TTN: variants seen among roughly 807,000 people sequenced by gnomAD.
The protein encoded by TTN is connectin.
In TTN, 1,525 loss-of-function variants were observed where a neutral mutation model predicts 3,223.0. The observed-to-expected ratio is 0.47, with a 90% CI of 0.45 to 0.49. TTN has a LOEUF of 0.49. TTN is among the 20% of genes least tolerant of loss of function. The pLI is 0.00. For missense variants in TTN, 40,786 were observed against 43,424.0 expected (o/e 0.94, Z 5.40); for synonymous variants, 14,094 against 15,161.0 (o/e 0.93, Z 5.17).
chr2:178,653,363 C>T, intron 197 of TTN, 42 bp from the exon 198 acceptor site: 1 of 1,609,476 alleles, frequency 6.2e-7, no homozygotes, highest in Non-Finnish European at 8.5e-7. Flanking sequence ...GCTATGGAGA[C>T]TACTAGCAAA....
In TTN at chr2:178,714,539, T is replaced by C. The variant is rs2077168515; in HGVS notation, c.26235A>G (p.Ile8745Met). ...GAACTTCTTTACCAACGACAGTAGA[T>C]ATGTCACTGAGCTTCTTCACAAATC... is the stretch of plus-strand genomic sequence containing the variant. ...PPRFVKKLSD[I>M]STVVGKEVQL... is the part of the protein sequence containing the mutation. The change falls in exon 91 of 363, where the codon ATA becomes ATG. Residue 8745 changes from isoleucine (I) to methionine (M), a missense_variant. Coordinates refer to ENST00000589042, the MANE Select transcript of TTN (RefSeq NM_001267550.2). The C allele has an allele frequency of 6.2e-7, 1 of 1,611,658 alleles. No homozygotes were observed. Among genetic ancestry groups the C allele is most frequent in the African/African-American group, 1.3e-5 (1 of 74,870 alleles).
Position 178,614,354 on chromosome 2 carries a change from T to A in TTN, c.49049-6A>T, listed in dbSNP as rs1012199109. 6.9e-6 allele frequency: 11 copies of A among 1,602,686 alleles called. No individual in the cohort carries two copies. In the African/African-American group the frequency reaches 1.4e-4, roughly 20 times the overall value. Reference sequence around the variant, plus strand: ...AGCTGGTGGTCCGGGTTTATCTGTGTATGGCATTACAGATGCAGAAAAAAA... The same window carrying A: ...AGCTGGTGGTCCGGGTTTATCTGTGAATGGCATTACAGATGCAGAAAAAAA... On this transcript the variant is annotated splice_polypyrimidine_tract_variant and splice_region_variant and intron_variant, in intron 261 of 362. Coordinates refer to ENST00000589042, the MANE Select transcript of TTN (RefSeq NM_001267550.2).
intron 41 of TTN, among the ~76,000 whole-genome samples, chr2:178,765,805 G>A (rs1409336721): frequency 6.6e-6 from 1 of 152,188 alleles, no homozygotes; most frequent in East Asian, 1.9e-4. Flanking sequence ...AGGTTTAACA[G>A]CACTTCCCTG....
chr2:178,562,395 A>G lies in TTN; in HGVS notation c.83737T>C (p.Cys27913Arg). 1 of 1,611,720 alleles carries G rather than the reference A, an allele frequency of 6.2e-7. No individual in the cohort carries two copies. The highest frequency in any genetic ancestry group is 1.7e-5 in the Admixed American group (1 of 59,752). ...QTKGSEKWST[C>R]TQVKTLEATI... ...GCTTCTAGAGTCTTAACTTGTGTGCAGGTGCTCCACTTTTCACTCCCTTTA... is the reference window on the plus strand; with the variant it reads ...GCTTCTAGAGTCTTAACTTGTGTGCGGGTGCTCCACTTTTCACTCCCTTTA... The change falls in exon 326 of 363, where the codon TGC becomes CGC. Residue 27913 changes from cysteine to arginine, a missense_variant. Cys to Arg is a radical substitution (Grantham distance 180). Coordinates refer to ENST00000589042, the MANE Select transcript of TTN (RefSeq NM_001267550.2).
rs1064796987 is a variant in TTN at position 178,619,620 on chromosome 2, C to T, written c.46696+1G>A. 6.2e-7 allele frequency: 1 copy of T among 1,611,246 alleles called. No individual in the cohort carries two copies. Among genetic ancestry groups the T allele is most frequent in the Non-Finnish European group, 8.5e-7 (1 of 1,178,548 alleles). On this transcript the variant is annotated splice_donor_variant, in intron 250 of 362. Coordinates refer to ENST00000589042, the MANE Select transcript of TTN (RefSeq NM_001267550.2). LOFTEE classifies it high-confidence loss of function. ...GGATATTTTAAAATAAAGGGACTGA[C>T]CTGCCAGTTCAAGCTTAGCTCTGGC...
Position 178,591,877 on chromosome 2 carries a change from G to A in TTN, c.59942C>T (p.Pro19981Leu). 6.2e-7 allele frequency: 1 copy of A among 1,610,926 alleles called. No homozygotes were observed. Among genetic ancestry groups the A allele is most frequent in the Middle Eastern group, 1.7e-4 (1 of 6,038 alleles). The change falls in exon 303 of 363, where the codon CCC becomes CTC. Residue 19981 changes from proline to leucine, a missense_variant. Pro to Leu is a moderately conservative substitution (Grantham distance 98). Coordinates refer to ENST00000589042, the MANE Select transcript of TTN (RefSeq NM_001267550.2). ...ALDPLHPPGP[P>L]KDLHHVDVDK... ...AACATCTACATGGTGCAGGTCCTTG[G>A]GTGGCCCTGGGGGATCTTTTCAAAG... is the stretch of plus-strand genomic sequence containing the variant.
In TTN at chr2:178,793,854, C is replaced by T. The variant is rs767052735; in HGVS notation, c.1399-313G>A. ...TCAGGATTTAGACATAAATGTCACA[C>T]AAGAGGATAAGGAGGAAAGCTGGAA... On this transcript the variant is annotated intron_variant, in intron 8 of 362. Coordinates refer to ENST00000589042, the MANE Select transcript of TTN (RefSeq NM_001267550.2). Among the ~76,000 whole-genome samples, 47 of 152,212 alleles carry T rather than the reference C, an allele frequency of 3.1e-4. 1 individual carries two copies. Among genetic ancestry groups the T allele is most frequent in the South Asian group, 1.9e-3 (9 of 4,818 alleles).
At chr2:178,802,010 C>A (rs2094089323) in intron 3 of TTN, 128 bp downstream of exon 3, 8 of 1,156,774 alleles carry the variant, frequency 6.9e-6, no homozygotes, top group Non-Finnish European at 7.7e-6. Flanking sequence ...AATTCAGCCT[C>A]CAGTAGACCC....
chr2:178,699,601 C>T lies in TTN; in HGVS notation c.30683-687G>A, dbSNP rs574797270. 1.2e-3 allele frequency among the ~76,000 whole-genome samples: 173 copies of T among 144,408 alleles called. 1 individual carries two copies. The highest frequency in any genetic ancestry group is 9.3e-3 in the South Asian group (41 of 4,418). The allele number at this position is 144,408 out of a possible 152,430, so 94.7% of individuals were successfully genotyped here. A position where few individuals can be genotyped will look rare whatever the true frequency, so the allele number is the denominator to read the frequency against. On this transcript the variant is annotated intron_variant, in intron 111 of 362. Transcript: ENST00000589042. ...TAATTTTTTGTATTTTTAGTAGAGA[C>T]GGGGTTTCACCGTGTTAGCCAAGAT...
chr2:178,646,551 T>C lies in TTN; in HGVS notation c.40231A>G (p.Ile13411Val), dbSNP rs2062032299. 6.5e-7 allele frequency: 1 copy of C among 1,543,610 alleles called. No homozygotes were observed. Among genetic ancestry groups the C allele is most frequent in the African/African-American group, 1.4e-5 (1 of 72,824 alleles). ...TCTTCAGGTTTAATATACTTTTCAA[T>C]TTCACGTTCTTTAAAGAATGTTGAC... The part of the protein sequence containing the change: ...KETPPVEERE[I>V]EKYIKPEEPE... The change falls in exon 216 of 363, where the codon ATT becomes GTT. Residue 13411 changes from isoleucine (I) to valine (V), a missense_variant. Physicochemically the swap from Ile to Val is conservative, Grantham distance 29. Transcript: ENST00000589042.
rs1687465738 is a variant in TTN, at chr2:178,528,383, T to C, written c.107268A>G (p.Val35756=). ...SNVSISRSRN[V]YSLEIRNASV... ...ATGCATTTCGGATTTCAAGGGAGTA[T>C]ACATTTCTGGAGCGGCTTATGCTGA... Residue 35756 remains valine (V), a synonymous_variant, in exon 361 of 363, where the codon GTA becomes GTG. Transcript: ENST00000589042. 6.2e-7 allele frequency: 1 copy of C among 1,613,860 alleles called. No homozygotes were observed. The highest frequency in any genetic ancestry group is 8.5e-7 in the Non-Finnish European group (1 of 1,179,868).
Position 178,778,061 on chromosome 2 carries a change from T to C in TTN, c.4209-86A>G, listed in dbSNP as rs151267804. The C allele has an allele frequency of 1.1e-5, 17 of 1,522,956 alleles. No individual in the cohort carries two copies. The African/African-American group carries it at 1.6e-4, about 15-fold the overall frequency. The allele number at this position is 1,522,956 out of a possible 1,614,324, so 94.3% of individuals were successfully genotyped here. A position where few individuals can be genotyped will look rare whatever the true frequency, so the allele number is the denominator to read the frequency against. ...TTCATTTTGTCTTATTCATTATTCATGTTATTTTAGAATTTACTTCTTGCA... is the reference window on the plus strand; with the variant it reads ...TTCATTTTGTCTTATTCATTATTCACGTTATTTTAGAATTTACTTCTTGCA... On this transcript the variant is annotated intron_variant, in intron 24 of 362. Coordinates refer to ENST00000589042, the MANE Select transcript of TTN (RefSeq NM_001267550.2).
At position 178,748,163 on chromosome 2, in the gene TTN, GT is replaced by G. The variant is rs1419983141; in HGVS notation, c.11311+4960del. 5 of 1,613,122 alleles carry G rather than the reference GT, an allele frequency of 3.1e-6. No individual in the cohort carries two copies. The East Asian group carries it at 1.1e-4, about 36-fold the overall frequency. On this transcript the variant is annotated intron_variant, in intron 47 of 362. Transcript: ENST00000589042. ...AGGACAACTTTTCTCAGAAAGATCAGTTTCTTCTATATCTGCAGATGAGGTT... is the reference window on the plus strand; with the variant it reads ...AGGACAACTTTTCTCAGAAAGATCAGTTCTTCTATATCTGCAGATGAGGTT...
chr2:178,806,848 G>A (rs982713993), intron 1 of TTN, among the ~76,000 whole-genome samples: 2 of 152,178 alleles, frequency 1.3e-5, no homozygotes, highest in Admixed American at 6.5e-5. Flanking sequence ...TATTCTTGGT[G>A]TGCTTAACTT....
In TTN at chr2:178,630,896, C is replaced by G. The variant is rs2059718388; in HGVS notation, c.44062G>C (p.Glu14688Gln). Residue 14688 changes from glutamate to glutamine, a missense_variant, in exon 238 of 363, where the codon GAG (glutamate) becomes CAG (glutamine). Glu to Gln is a conservative substitution (Grantham distance 29). Transcript: ENST00000589042. ...GTTTCAAAGCGTGCTGTCTCAGTCTCCATCACCTCCACACTGTGCAGGGGT... is the reference window on the plus strand; with the variant it reads ...GTTTCAAAGCGTGCTGTCTCAGTCTGCATCACCTCCACACTGTGCAGGGGT... ...VRPLHSVEVMETETARFETEI... is the reference protein window; with the variant it reads ...VRPLHSVEVMQTETARFETEI... 3.1e-6 allele frequency: 5 copies of G among 1,613,246 alleles called. No individual in the cohort carries two copies. Among genetic ancestry groups the G allele is most frequent in the Middle Eastern group, 1.7e-4 (1 of 6,052 alleles).
chr2:178,741,566 C>T lies in TTN; in HGVS notation c.11667G>A (p.Glu3889=), dbSNP rs377423256. Residue 3889 remains glutamate, a synonymous_variant, in exon 48 of 363, where the codon GAG becomes GAA. Transcript: ENST00000589042. ...ILFTKLEDEG[E]YTCMASNDYG... ...AGTCATTACTGGCCATACATGTATA[C>T]TCTCCCTCATCCTCCAATTTGGTGA... 2.5e-6 allele frequency: 4 copies of T among 1,613,764 alleles called. No homozygotes were observed. Among genetic ancestry groups the T allele is most frequent in the Admixed American group, 1.7e-5 (1 of 59,984 alleles).
At chr2:178,702,011 C>G in intron 109 of TTN, 29 bp downstream of exon 109, 1 of 1,603,634 alleles carries the variant, frequency 6.2e-7, no homozygotes, top group Non-Finnish European at 8.5e-7. Flanking sequence ...TTATTGTAAG[C>G]AAGGATTGAT....
intron 7 of TTN, 92 bp from the exon 8 acceptor site, chr2:178,794,643 C>T: frequency 1.4e-6 from 2 of 1,452,102 alleles, no homozygotes; most frequent in Non-Finnish European, 1.9e-6. Flanking sequence ...CCACCTAGAG[C>T]AAAATACACT....
intron 239 of TTN, among the ~76,000 whole-genome samples, 195 bp downstream of exon 239, chr2:178,630,046 G>A (rs1324811001): frequency 6.6e-6 from 1 of 152,010 alleles, no homozygotes; most frequent in Admixed American, 6.6e-5. Context: ...CAAATGGCAA[G>A]GTCAACAAAA....
Sources: gnomAD v4.1 joint callset for allele counts (sites outside exome capture counted in the v4.1 genomes callset) on GRCh38, gnomAD v4.1.1 for gene constraint, MANE v1.5 for transcripts, NCBI Gene and HGNC (gene_info 2026-07-23, HGNC 2026-07-21) for gene names.